Variants in CSMD1 observed in about 807,000 individuals in gnomAD.
CSMD1 encodes the protein CUB and Sushi multiple domains 1.
A neutral mutation model predicts 417.5 loss-of-function variants in CSMD1; 213 were observed. That is an observed-to-expected ratio of 0.51 (90% CI 0.46 to 0.57). CSMD1 has a LOEUF of 0.57. Ranked by LOEUF, CSMD1 falls within the 20% of genes least tolerant of loss-of-function variation. The probability of loss-of-function intolerance (pLI) is 0.00; values close to 1 mark genes in which losing one functional copy is unlikely to be tolerated. For synonymous variants in CSMD1, 2,862 were observed against 1,736.8 expected, an observed-to-expected ratio of 1.65 and a Z score of -16.11; for missense variants, 6,923 against 4,529.7, an observed-to-expected ratio of 1.53 and a Z score of -15.17.
intron 21 of CSMD1, among the ~76,000 whole-genome samples, chr8:3,352,718 T>C (rs1386143550): frequency 1.3e-5 from 2 of 152,134 alleles, no homozygotes; most frequent in African/African-American, 2.4e-5. Context: ...TGCATGCCGG[T>C]TGTCCCACCT....
intron 10 of CSMD1, among the ~76,000 whole-genome samples, chr8:3,505,556 C>G (rs1227605724): frequency 6.6e-6 from 1 of 152,180 alleles, no homozygotes; most frequent in South Asian, 2.1e-4. Flanking sequence ...TACGTCACCT[C>G]ACAGAATTCA....
At chr8:3,721,793 A>G (rs987800667) in intron 6 of CSMD1, among the ~76,000 whole-genome samples, 1 of 152,212 alleles carries the variant, frequency 6.6e-6, no homozygotes, top group Admixed American at 6.5e-5. Context: ...TGAATGGTCA[A>G]TCTTCATCAT....
At chr8:4,943,705 T>C (rs911134791) in intron 1 of CSMD1, among the ~76,000 whole-genome samples, 2 of 152,160 alleles carry the variant, frequency 1.3e-5, no homozygotes, top group African/African-American at 4.8e-5. Context: ...CCACATGTCA[T>C]TCCTAAAAAC....
At chr8:3,049,728 T>C (rs1811692493) in intron 50 of CSMD1, among the ~76,000 whole-genome samples, 1 of 152,068 alleles carries the variant, frequency 6.6e-6, no homozygotes, top group Non-Finnish European at 1.5e-5. Context: ...CCACAGATGG[T>C]GCAACACCAA....
chr8:4,980,969 T>C (rs1257659107), intron 1 of CSMD1, among the ~76,000 whole-genome samples: 1 of 152,150 alleles, frequency 6.6e-6, no homozygotes, highest in African/African-American at 2.4e-5. Flanking sequence ...GAGCAACTTG[T>C]CCTTTTCTTC....
intron 3 of CSMD1, among the ~76,000 whole-genome samples, chr8:4,185,756 G>C (rs1425028643): frequency 6.6e-6 from 1 of 152,134 alleles, no homozygotes; most frequent in Non-Finnish European, 1.5e-5. Flanking sequence ...ATCATTTTGA[G>C]ATAAAATATC....
At chr8:4,764,604 A>C (rs1050430596) in intron 1 of CSMD1, among the ~76,000 whole-genome samples, 1 of 151,968 alleles carries the variant, frequency 6.6e-6, no homozygotes, top group Non-Finnish European at 1.5e-5. Flanking sequence ...TCTAAAAAAG[A>C]GTGGAAAGAT....
At chr8:4,258,641 C>A (rs1274813020) in intron 3 of CSMD1, among the ~76,000 whole-genome samples, 1 of 127,322 alleles carries the variant, frequency 7.9e-6, no homozygotes, top group Non-Finnish European at 1.7e-5. Context: ...GAGGGCCCCA[C>A]CTACCCTCAG....
chr8:3,762,820 G>C (rs910247820), intron 5 of CSMD1, among the ~76,000 whole-genome samples: 1 of 152,220 alleles, frequency 6.6e-6, no homozygotes, highest in Non-Finnish European at 1.5e-5. Flanking sequence ...CCACGCAGCC[G>C]TGTGTAAGGC....
chr8:3,270,761 A>G (rs181204192), intron 26 of CSMD1, among the ~76,000 whole-genome samples: 6 of 152,300 alleles, frequency 3.9e-5, no homozygotes, highest in Admixed American at 3.3e-4. Context: ...TGCTATTTGT[A>G]TTAGTCTGTT....
intron 3 of CSMD1, among the ~76,000 whole-genome samples, chr8:4,273,189 G>A (rs535992252): frequency 6.6e-6 from 1 of 152,080 alleles, no homozygotes; most frequent in Non-Finnish European, 1.5e-5. Flanking sequence ...TAACTCATTT[G>A]TAAGAAGAAT....
chr8:4,012,462 T>G lies in CSMD1; in HGVS notation c.611-14352A>C, dbSNP rs182192934. Reference sequence around the variant, plus strand: ...TTTATTTTTGTTTCAGGGGTACACATGCAGGTTTGTTACTTGCATAAATCT... The same window carrying G: ...TTTATTTTTGTTTCAGGGGTACACAGGCAGGTTTGTTACTTGCATAAATCT... On this transcript the variant is annotated intron_variant, in intron 4 of 69. Coordinates refer to ENST00000635120, the MANE Select transcript of CSMD1 (RefSeq NM_033225.6). 5.1e-4 allele frequency among the ~76,000 whole-genome samples: 78 copies of G among 152,316 alleles called. 1 individual carries two copies. Among genetic ancestry groups the G allele is most frequent in the African/African-American group, 1.9e-3 (77 of 41,546 alleles).
intron 3 of CSMD1, among the ~76,000 whole-genome samples, chr8:4,094,550 C>A (rs934426315): frequency 6.6e-6 from 1 of 152,160 alleles, no homozygotes; most frequent in African/African-American, 2.4e-5. Flanking sequence ...GTGGGAGATT[C>A]TTGTAGACGC....
chr8:4,781,707 T>G (rs1227680418), intron 1 of CSMD1, among the ~76,000 whole-genome samples: 1 of 152,196 alleles, frequency 6.6e-6, no homozygotes, highest in Non-Finnish European at 1.5e-5. Context: ...GGAGTATATA[T>G]GCACATTTCT....
chr8:4,268,321 C>T (rs1300754740), intron 3 of CSMD1, among the ~76,000 whole-genome samples: 2 of 152,116 alleles, frequency 1.3e-5, no homozygotes, highest in Middle Eastern at 3.4e-3. Flanking sequence ...CCATTATGAC[C>T]TGAATATTAA....
chr8:4,650,111 C>T lies in CSMD1; in HGVS notation c.86-12553G>A, dbSNP rs142606550. ...ATCAATGACCAGCACTTTGGGAGGC[C>T]GAGGCGGGCGGATCACGAGGTCAGG... On this transcript the variant is annotated intron_variant, in intron 1 of 69. Coordinates refer to ENST00000635120, the MANE Select transcript of CSMD1 (RefSeq NM_033225.6). Among the ~76,000 whole-genome samples, 46 of 152,122 alleles carry T rather than the reference C, an allele frequency of 3.0e-4. 1 individual carries two copies. In the East Asian group the frequency reaches 8.1e-3, roughly 27 times the overall value.
At chr8:3,442,810 T>C (rs984751689) in intron 12 of CSMD1, among the ~76,000 whole-genome samples, 1 of 152,090 alleles carries the variant, frequency 6.6e-6, no homozygotes, top group Non-Finnish European at 1.5e-5. Flanking sequence ...TCTATATTTA[T>C]GAGAGATATT....
intron 1 of CSMD1, among the ~76,000 whole-genome samples, chr8:4,760,971 A>C (rs1007707608): frequency 1.3e-5 from 2 of 152,122 alleles, no homozygotes; most frequent in African/African-American, 4.8e-5. Context: ...AAGTTGCATT[A>C]TTAGCTTCCA....
chr8:4,036,427 A>G (rs1209351515), intron 3 of CSMD1, among the ~76,000 whole-genome samples: 1 of 152,226 alleles, frequency 6.6e-6, no homozygotes, highest in Admixed American at 6.5e-5. Flanking sequence ...TTCTGAAGGA[A>G]AAATATCATT....
Sources: allele counts gnomAD v4.1 joint callset (sites outside exome capture counted in the v4.1 genomes callset), GRCh38; gene constraint gnomAD v4.1.1; transcripts MANE v1.5; gene names NCBI Gene and HGNC (gene_info 2026-07-23, HGNC 2026-07-21).